The following PCDH9 variants were observed in gnomAD, a reference collection of about 807,000 sequenced individuals.
The protein encoded by PCDH9 is protocadherin-9.
In PCDH9, 24 loss-of-function variants were observed where a neutral mutation model predicts 70.6. That is an observed-to-expected ratio of 0.34 (90% CI 0.25 to 0.48). The LOEUF is 0.48. Among genes scored for constraint, PCDH9 ranks in the 20% least tolerant of loss-of-function variants. The probability of loss-of-function intolerance (pLI) is 0.99; values close to 1 mark genes in which losing one functional copy is unlikely to be tolerated. For missense variants in PCDH9, 1,281 were observed against 1,503.6 expected, an observed-to-expected ratio of 0.85 and a Z score of 2.45; for synonymous variants, 562 against 558.5, an observed-to-expected ratio of 1.01 and a Z score of -0.09.
intron 4 of PCDH9, among the ~76,000 whole-genome samples, chr13:66,623,515 T>C (rs990298392): frequency 1.3e-5 from 2 of 152,196 alleles, no homozygotes; most frequent in African/African-American, 4.8e-5. Flanking sequence ...CATAGCTTAC[T>C]GCAAGCTCAA....
At chr13:66,871,156 C>T (rs1380478558) in intron 3 of PCDH9, among the ~76,000 whole-genome samples, 1 of 148,268 alleles carries the variant, frequency 6.7e-6, no homozygotes, top group African/African-American at 2.5e-5. Context: ...CCAAGCACCG[C>T]ATATTCTCAC....
intron 2 of PCDH9, among the ~76,000 whole-genome samples, chr13:66,949,064 C>T (rs937520439): frequency 9.2e-5 from 14 of 151,966 alleles, no homozygotes; most frequent in Admixed American, 2.6e-4. Context: ...AACAAGTAGG[C>T]GTACGAGCTT....
intron 2 of PCDH9, among the ~76,000 whole-genome samples, chr13:67,099,032 T>C (rs941644537): frequency 2.4e-4 from 36 of 152,212 alleles, no homozygotes; most frequent in African/African-American, 8.4e-4. Flanking sequence ...ATCAGAATTT[T>C]GCATTAAAAT....
chr13:66,304,638 T>A lies in PCDH9; in HGVS notation c.*17A>T. The A allele has an allele frequency of 6.2e-7, 1 of 1,602,566 alleles. No homozygotes were observed. Among genetic ancestry groups the A allele is most frequent in the Non-Finnish European group, 8.5e-7 (1 of 1,170,798 alleles). On this transcript the variant is annotated 3_prime_UTR_variant, in exon 5 of 5. Coordinates refer to ENST00000377865, the MANE Select transcript of PCDH9 (RefSeq NM_203487.3). ...AGCATGTCTATTTAAAGTTATTAGGTCCCATATAGCCTTTTCTTAGAGTTG... is the reference window on the plus strand; with the variant it reads ...AGCATGTCTATTTAAAGTTATTAGGACCCATATAGCCTTTTCTTAGAGTTG...
chr13:66,347,615 T>C (rs1593838195), intron 4 of PCDH9, among the ~76,000 whole-genome samples: 1 of 152,340 alleles, frequency 6.6e-6, no homozygotes, highest in East Asian at 1.9e-4. Context: ...AGATCTGTAG[T>C]ACCTTAGTCA....
chr13:66,619,832 T>C (rs1266470205), intron 4 of PCDH9, among the ~76,000 whole-genome samples: 3 of 152,150 alleles, frequency 2.0e-5, no homozygotes, highest in African/African-American at 4.8e-5. Context: ...GCTCCCATCC[T>C]GCCCCCACCT....
At chr13:66,778,323 A>C (rs2079934802) in intron 3 of PCDH9, among the ~76,000 whole-genome samples, 1 of 152,166 alleles carries the variant, frequency 6.6e-6, no homozygotes, top group Admixed American at 6.6e-5. Flanking sequence ...TTAATCTTCT[A>C]CTGAAATATT....
Position 66,392,950 on chromosome 13 carries a change from T to A in PCDH9, c.3341-87922A>T, listed in dbSNP as rs536487820. Among the ~76,000 whole-genome samples the A allele has an allele frequency of 3.0e-4, 45 of 152,180 alleles. 2 individuals are homozygous for A. The highest frequency in any genetic ancestry group is 4.2e-4 in the South Asian group (2 of 4,816). On this transcript the variant is annotated intron_variant, in intron 4 of 4. Coordinates refer to ENST00000377865, the MANE Select transcript of PCDH9 (RefSeq NM_203487.3). Reference sequence around the variant, plus strand: ...CCCACTGGAAGAGGAATAATTAATTTACTCCTTGTGTAAACAACATTGATA... The same window carrying A: ...CCCACTGGAAGAGGAATAATTAATTAACTCCTTGTGTAAACAACATTGATA...
chr13:66,616,484 C>CTTTTTTTTTTTTTT (rs60587237), intron 4 of PCDH9, among the ~76,000 whole-genome samples: 2 of 116,672 alleles, frequency 1.7e-5, no homozygotes, highest in African/African-American at 3.2e-5. Flanking sequence ...TTCTAAAATT[C>CTTTTTTTTTTTTTT]TTTTTTTTTT....
chr13:66,713,655 T>TATATATATATATATATATATATATATA (rs1474635736), intron 3 of PCDH9, among the ~76,000 whole-genome samples: 5 of 63,624 alleles, frequency 7.9e-5, no homozygotes, highest in African/African-American at 3.1e-4. Flanking sequence ...ATATATATAA[T>TATATATATATATATATATATATATATA]GTACACACAC....
At chr13:66,498,702 T>C (rs1167586742) in intron 4 of PCDH9, among the ~76,000 whole-genome samples, 1 of 152,168 alleles carries the variant, frequency 6.6e-6, no homozygotes, top group Non-Finnish European at 1.5e-5. Context: ...ACGAATGTTT[T>C]AATAAGGTCC....
At chr13:66,914,388 T>C (rs1169688108) in intron 2 of PCDH9, 5 of 151,938 alleles carry the variant, frequency 3.3e-5, no homozygotes, top group Admixed American at 2.0e-4. Flanking sequence ...GTTTATCTTT[T>C]AATCCTCAGG....
At chr13:66,594,571 C>T (rs1351805297) in intron 4 of PCDH9, among the ~76,000 whole-genome samples, 1 of 150,954 alleles carries the variant, frequency 6.6e-6, no homozygotes, top group Non-Finnish European at 1.5e-5. Context: ...AAAAGGTAAA[C>T]ATGTGCCATG....
chr13:66,404,184 GA>G (rs1220794143), intron 4 of PCDH9, among the ~76,000 whole-genome samples: 1 of 152,144 alleles, frequency 6.6e-6, no homozygotes, highest in Non-Finnish European at 1.5e-5. Flanking sequence ...GACATAAATA[GA>G]GGCACTGCTT....
chr13:66,493,894 A>G (rs1188127942), intron 4 of PCDH9, among the ~76,000 whole-genome samples: 1 of 152,116 alleles, frequency 6.6e-6, no homozygotes, highest in Non-Finnish European at 1.5e-5. Flanking sequence ...TGCAATACTA[A>G]AAAGGTTTAA....
At chr13:66,446,057 T>C (rs1174966790) in intron 4 of PCDH9, among the ~76,000 whole-genome samples, 1 of 151,836 alleles carries the variant, frequency 6.6e-6, no homozygotes, top group African/African-American at 2.4e-5. Flanking sequence ...AAGTGCAAAA[T>C]TGAAAGAATT....
At chr13:66,695,103 C>T (rs2078542620) in intron 3 of PCDH9, among the ~76,000 whole-genome samples, 1 of 152,098 alleles carries the variant, frequency 6.6e-6, no homozygotes, top group Non-Finnish European at 1.5e-5. Context: ...CGGGGTTTCA[C>T]CGTGTTAGCC....
Position 66,383,856 on chromosome 13 carries a change from G to T in PCDH9, c.3341-78828C>A, listed in dbSNP as rs59494529. The stretch of plus-strand genomic sequence containing the variant: ...CAAAAACTAATATTTATAGTAAAAT[G>T]TGTTAATTGGTTATTTATTTATGAT... On this transcript the variant is annotated intron_variant, in intron 4 of 4. Transcript: ENST00000377865. Among the ~76,000 whole-genome samples, 7 of 152,202 alleles carry T rather than the reference G, an allele frequency of 4.6e-5. No homozygotes were observed. In the South Asian group the frequency reaches 8.3e-4, roughly 18 times the overall value.
chr13:66,327,908 C>T (rs1955875491), intron 4 of PCDH9, among the ~76,000 whole-genome samples: 4 of 152,088 alleles, frequency 2.6e-5, no homozygotes, highest in Admixed American at 2.6e-4. Context: ...TTATTCCTGC[C>T]TAGGTCTTTA....
Sources: allele counts gnomAD v4.1 joint callset (sites outside exome capture counted in the v4.1 genomes callset), GRCh38; gene constraint gnomAD v4.1.1; transcripts MANE v1.5; gene names NCBI Gene and HGNC (gene_info 2026-07-23, HGNC 2026-07-21).